Variants in SNTG1 observed in about 807,000 individuals in gnomAD.
SNTG1 encodes the protein syntrophin gamma 1.
In SNTG1, 39 loss-of-function variants were observed where a neutral mutation model predicts 74.7. The observed-to-expected ratio is 0.52, with a 90% CI of 0.40 to 0.68. SNTG1 has a LOEUF of 0.68. SNTG1 is among the 30% of genes least tolerant of loss of function. The probability of loss-of-function intolerance (pLI) is 0.00; values close to 1 mark genes in which losing one functional copy is unlikely to be tolerated. For synonymous variants in SNTG1, 254 were observed against 217.1 expected, an observed-to-expected ratio of 1.17 and a Z score of -1.49; for missense variants, 685 against 609.5, an observed-to-expected ratio of 1.12 and a Z score of -1.30.
intron 1 of SNTG1, among the ~76,000 whole-genome samples, chr8:50,139,513 G>A (rs546093509): frequency 6.6e-6 from 1 of 152,292 alleles, no homozygotes; most frequent in East Asian, 1.9e-4. Flanking sequence ...CCTGTGTCAT[G>A]TCTGCCAACA....
At chr8:50,670,512 A>T (rs991940755) in intron 15 of SNTG1, among the ~76,000 whole-genome samples, 7 of 151,036 alleles carry the variant, frequency 4.6e-5, no homozygotes, top group African/African-American at 1.7e-4. Flanking sequence ...TTCAAGGAGA[A>T]CTACAAACCA....
chr8:50,767,968 G>A (rs117283240), intron 18 of SNTG1, among the ~76,000 whole-genome samples: 158 of 151,974 alleles, frequency 1.0e-3, no homozygotes, highest in Non-Finnish European at 1.9e-3. Flanking sequence ...CAGCATATTC[G>A]TCTAAACTAC....
intron 2 of SNTG1, among the ~76,000 whole-genome samples, chr8:50,220,473 G>A (rs1027453721): frequency 5.3e-5 from 8 of 152,180 alleles, no homozygotes; most frequent in Non-Finnish European, 1.2e-4. Context: ...GAATACATGA[G>A]ACTGGAGGGG....
chr8:50,246,566 G>A (rs184351775), intron 2 of SNTG1, among the ~76,000 whole-genome samples: 3 of 151,472 alleles, frequency 2.0e-5, no homozygotes, highest in East Asian at 1.9e-4. Flanking sequence ...AATCAGGGTC[G>A]TAAGGTGGAT....
chr8:49,915,111 ATCT>A (rs1252315901), intron 1 of SNTG1: 3 of 152,158 alleles, frequency 2.0e-5, no homozygotes, highest in African/African-American at 7.2e-5. Flanking sequence ...TGGCCATAAG[ATCT>A]TCTACAAGTC....
intron 2 of SNTG1, among the ~76,000 whole-genome samples, chr8:50,392,023 T>C (rs986358530): frequency 6.6e-6 from 1 of 152,094 alleles, no homozygotes; most frequent in Admixed American, 6.6e-5. Flanking sequence ...AAAAGGGGAC[T>C]ACATGTAATG....
intron 12 of SNTG1, among the ~76,000 whole-genome samples, chr8:50,587,797 CA>C (rs545632682): frequency 6.8e-4 from 79 of 116,712 alleles, no homozygotes; most frequent in African/African-American, 8.4e-4. Context: ...GACTTCGTCT[CA>C]AAAAAAAAAA....
At chr8:50,397,692 A>G (rs927901699) in intron 3 of SNTG1, among the ~76,000 whole-genome samples, 3 of 152,186 alleles carry the variant, frequency 2.0e-5, no homozygotes, top group Non-Finnish European at 4.4e-5. Context: ...TGATAACCAT[A>G]ATGCTCTCCA....
intron 10 of SNTG1, among the ~76,000 whole-genome samples, chr8:50,531,015 C>T (rs796362034): frequency 2.0e-5 from 3 of 152,304 alleles, no homozygotes; most frequent in African/African-American, 7.2e-5. Context: ...TTCTATTCCA[C>T]ATATCATGGT....
At chr8:50,158,622 C>T (rs752422767) in intron 1 of SNTG1, among the ~76,000 whole-genome samples, 5 of 152,126 alleles carry the variant, frequency 3.3e-5, no homozygotes, top group Admixed American at 1.3e-4. Context: ...TATTTTTCCA[C>T]GTTGATTTAT....
At chr8:50,359,873 T>C (rs2131061805) in intron 2 of SNTG1, among the ~76,000 whole-genome samples, 1 of 152,332 alleles carries the variant, frequency 6.6e-6, no homozygotes, top group South Asian at 2.1e-4. Context: ...CCATTCTCTT[T>C]TTATTTTTTC....
At chr8:50,195,857 T>C (rs1386785824) in intron 2 of SNTG1, among the ~76,000 whole-genome samples, 1 of 152,142 alleles carries the variant, frequency 6.6e-6, no homozygotes, top group East Asian at 1.9e-4. Context: ...TGGTTTGTTC[T>C]TGCAGTCGGC....
chr8:50,266,525 C>A (rs988560612), intron 2 of SNTG1, among the ~76,000 whole-genome samples: 4 of 151,246 alleles, frequency 2.6e-5, no homozygotes, highest in Non-Finnish European at 5.9e-5. Flanking sequence ...TTTGATTATG[C>A]AATGACTTCT....
chr8:50,044,065 A>T (rs186047131), intron 1 of SNTG1, among the ~76,000 whole-genome samples: 2 of 152,306 alleles, frequency 1.3e-5, no homozygotes, highest in African/African-American at 2.4e-5. Flanking sequence ...ACTAAAAAAA[A>T]TTTCTGAAAA....
At chr8:50,476,392 C>A (rs2093697131) in intron 8 of SNTG1, among the ~76,000 whole-genome samples, 1 of 152,128 alleles carries the variant, frequency 6.6e-6, no homozygotes, top group African/African-American at 2.4e-5. Flanking sequence ...CTACTCTACT[C>A]AGCTGATAAA....
intron 11 of SNTG1, among the ~76,000 whole-genome samples, chr8:50,550,712 A>C (rs1174223649): frequency 6.7e-6 from 1 of 149,722 alleles, no homozygotes; most frequent in Non-Finnish European, 1.5e-5. Context: ...TATATATGAC[A>C]CATAATTTTG....
At chr8:50,735,410 G>C (rs1357357913) in intron 17 of SNTG1, among the ~76,000 whole-genome samples, 1 of 151,788 alleles carries the variant, frequency 6.6e-6, no homozygotes, top group Non-Finnish European at 1.5e-5. Context: ...AGAATAGCCA[G>C]TTTAGGGAAG....
intron 8 of SNTG1, among the ~76,000 whole-genome samples, chr8:50,494,755 C>T (rs558286180): frequency 3.9e-5 from 6 of 152,130 alleles, no homozygotes; most frequent in Admixed American, 1.3e-4. Flanking sequence ...TCTCTTTATA[C>T]ACTTTTATTA....
intron 1 of SNTG1, among the ~76,000 whole-genome samples, chr8:50,043,888 C>T (rs1818854014): frequency 6.6e-6 from 1 of 152,166 alleles, no homozygotes; most frequent in South Asian, 2.1e-4. Context: ...CATGTCATAG[C>T]AGCCTAGGGA....
Sources: gnomAD v4.1 joint callset for allele counts (sites outside exome capture counted in the v4.1 genomes callset) on GRCh38, gnomAD v4.1.1 for gene constraint, MANE v1.5 for transcripts, NCBI Gene and HGNC (gene_info 2026-07-23, HGNC 2026-07-21) for gene names.